Variants in ZFAND3 observed in about 807,000 individuals in gnomAD.
ZFAND3 encodes the protein zinc finger AN1-type containing 3.
Under a neutral mutation model 29.6 loss-of-function variants are expected in ZFAND3, and 10 were observed. The observed-to-expected ratio is 0.34, with a 90% CI of 0.21 to 0.57. The LOEUF (loss-of-function observed/expected upper bound fraction) is 0.57, where lower values mean the gene tolerates loss of function less well. Ranked by LOEUF, ZFAND3 falls within the 20% of genes least tolerant of loss-of-function variation. ZFAND3 has a pLI of 0.86. For missense variants in ZFAND3, 230 were observed against 304.5 expected, an observed-to-expected ratio of 0.76 and a Z score of 1.82; for synonymous variants, 128 against 112.6, an observed-to-expected ratio of 1.14 and a Z score of -0.87.
chr6:37,872,518 C>G (rs948298813), intron 1 of ZFAND3, among the ~76,000 whole-genome samples: 2 of 152,146 alleles, frequency 1.3e-5, no homozygotes, highest in East Asian at 1.9e-4. Context: ...AAACCCCTTT[C>G]ATTTCTCTTC....
chr6:37,979,642 C>T (rs1487504636), intron 2 of ZFAND3, among the ~76,000 whole-genome samples: 2 of 152,092 alleles, frequency 1.3e-5, no homozygotes, highest in Non-Finnish European at 2.9e-5. Context: ...TATTCCTTGC[C>T]CTGTCTATGT....
intron 5 of ZFAND3, among the ~76,000 whole-genome samples, chr6:38,119,418 C>A (rs1173595145): frequency 6.6e-6 from 1 of 152,116 alleles, no homozygotes; most frequent in Non-Finnish European, 1.5e-5. Flanking sequence ...TGCAGAAAAT[C>A]TTTTTTTAAA....
intron 2 of ZFAND3, among the ~76,000 whole-genome samples, chr6:37,939,303 C>T (rs1761767345): frequency 6.6e-6 from 1 of 152,158 alleles, no homozygotes; most frequent in Non-Finnish European, 1.5e-5. Context: ...GTCAATAGTT[C>T]TTGGCATTCC....
chr6:37,971,316 T>C, intron 2 of ZFAND3, among the ~76,000 whole-genome samples: 1 of 152,226 alleles, frequency 6.6e-6, no homozygotes, highest in East Asian at 1.9e-4. Context: ...CTATTCTGTG[T>C]ATCTTTGCAG....
chr6:37,833,409 AACTTGTACCATCACAGATT>A (rs1763901101), intron 1 of ZFAND3, among the ~76,000 whole-genome samples: 1 of 152,150 alleles, frequency 6.6e-6, no homozygotes, highest in Admixed American at 6.5e-5. Flanking sequence ...TCACTATCCC[AACTTGTACCATCACAGATT>A]ACTTACAATT....
intron 1 of ZFAND3, among the ~76,000 whole-genome samples, chr6:37,916,074 G>GT (rs1002371122): frequency 8.8e-5 from 11 of 125,610 alleles, no homozygotes; most frequent in South Asian, 2.6e-4. Flanking sequence ...CGGCTGCTGT[G>GT]TTTTTTTTAA....
intron 4 of ZFAND3, among the ~76,000 whole-genome samples, chr6:38,096,329 C>A (rs766108809): frequency 6.6e-6 from 1 of 152,142 alleles, no homozygotes; most frequent in African/African-American, 2.4e-5. Context: ...CCTGCCACCA[C>A]ATCGGGCTAA....
chr6:37,887,364 A>G (rs1765014203), intron 1 of ZFAND3, among the ~76,000 whole-genome samples: 1 of 152,236 alleles, frequency 6.6e-6, no homozygotes, highest in South Asian at 2.1e-4. Flanking sequence ...AAAAATCAAA[A>G]TCATGAGTAC....
intron 1 of ZFAND3, among the ~76,000 whole-genome samples, chr6:37,898,123 A>G (rs957010578): frequency 3.9e-5 from 6 of 152,210 alleles, no homozygotes; most frequent in Non-Finnish European, 7.3e-5. Context: ...TTACAGAGTT[A>G]AAAAAGACAT....
chr6:37,969,535 A>G (rs1364126384), intron 2 of ZFAND3, among the ~76,000 whole-genome samples: 2 of 152,216 alleles, frequency 1.3e-5, no homozygotes, highest in African/African-American at 2.4e-5. Flanking sequence ...ATAGTGTACC[A>G]AAGTGAAAAA....
chr6:38,152,410 G>T lies in ZFAND3; in HGVS notation c.*21G>T. On this transcript the variant is annotated 3_prime_UTR_variant, in exon 6 of 6. Coordinates refer to ENST00000287218, the MANE Select transcript of ZFAND3 (RefSeq NM_021943.3). ...CCTGAAGGCCAGGCATGGCCACCAC[G>T]TGACGCTGTTCTTAGTTCACTAATG... 1 of 1,553,986 alleles carries T rather than the reference G, an allele frequency of 6.4e-7. No individual in the cohort carries two copies. The highest frequency in any genetic ancestry group is 8.7e-7 in the Non-Finnish European group (1 of 1,152,462).
intron 2 of ZFAND3, among the ~76,000 whole-genome samples, chr6:38,034,604 T>C (rs1763623604): frequency 6.6e-6 from 1 of 152,174 alleles, no homozygotes; most frequent in Non-Finnish European, 1.5e-5. Flanking sequence ...AAGATCATTT[T>C]TTCCAGTGTG....
chr6:37,992,681 C>CA (rs1385380497), intron 2 of ZFAND3, among the ~76,000 whole-genome samples: 1 of 152,096 alleles, frequency 6.6e-6, no homozygotes, highest in Non-Finnish European at 1.5e-5. Context: ...ATTGAATATA[C>CA]AGCCCCATTC....
chr6:38,051,779 C>A (rs779278143), intron 2 of ZFAND3, among the ~76,000 whole-genome samples: 11 of 152,094 alleles, frequency 7.2e-5, no homozygotes, highest in Non-Finnish European at 1.6e-4. Context: ...CCTGTGTTTT[C>A]AAAAAATTGA....
At chr6:37,842,806 C>A (rs1356824473) in intron 1 of ZFAND3, among the ~76,000 whole-genome samples, 2 of 152,118 alleles carry the variant, frequency 1.3e-5, no homozygotes, top group Admixed American at 6.6e-5. Context: ...GTTGTGATTT[C>A]TGCTACAGGA....
chr6:37,900,838 A>G (rs1765306766), intron 1 of ZFAND3, among the ~76,000 whole-genome samples: 1 of 152,144 alleles, frequency 6.6e-6, no homozygotes, highest in Admixed American at 6.5e-5. Flanking sequence ...GGTGATCAAT[A>G]CTAGGAGAAA....
chr6:38,120,320 CTTTTTTTTTTTTTTT>C (rs70981523), intron 5 of ZFAND3, among the ~76,000 whole-genome samples: 1,364 of 60,838 alleles, frequency 0.022, 54 homozygotes, highest in African/African-American at 0.064. Flanking sequence ...GCTTGGCTTC[CTTTTTTTTTTTTTTT>C]TTTTTTTTTT....
intron 1 of ZFAND3, among the ~76,000 whole-genome samples, chr6:37,865,524 C>T (rs1764575494): frequency 6.6e-6 from 1 of 152,180 alleles, no homozygotes; most frequent in African/African-American, 2.4e-5. Context: ...TCAGATCAAA[C>T]AATATCTGTC....
chr6:37,903,526 T>A (rs1485346522), intron 1 of ZFAND3, among the ~76,000 whole-genome samples: 1 of 152,230 alleles, frequency 6.6e-6, no homozygotes, highest in Non-Finnish European at 1.5e-5. Context: ...ACCAAGCTTT[T>A]ACTTACAGCG....
Sources: gnomAD v4.1 joint callset for allele counts (sites outside exome capture counted in the v4.1 genomes callset) on GRCh38, gnomAD v4.1.1 for gene constraint, MANE v1.5 for transcripts, NCBI Gene and HGNC (gene_info 2026-07-23, HGNC 2026-07-21) for gene names.